The following SCML2 variants were observed in gnomAD, a reference collection of about 807,000 sequenced individuals.
The protein encoded by SCML2 is Scm polycomb group protein like 2, also known as sex comb on midleg-like protein 2.
A neutral mutation model predicts 48.4 loss-of-function variants in SCML2; 6 were observed. The ratio of observed to expected loss-of-function variants is 0.12; its 90% CI spans 0.07 to 0.24. SCML2 has a LOEUF of 0.24. Ranked by LOEUF, SCML2 falls within the 10% of genes least tolerant of loss-of-function variation. The pLI is 1.00. For missense variants in SCML2, 377 were observed against 528.2 expected (o/e 0.71, Z 2.81); for synonymous variants, 181 against 189.5 (o/e 0.95, Z 0.37).
rs1365950539 is a variant in SCML2 at position 18,239,671 on chromosome X, T to C, written c.*1580A>G. 8.9e-6 allele frequency: 1 copy of C among 112,687 alleles called. No homozygotes were observed. Among genetic ancestry groups the C allele is most frequent in the Non-Finnish European group, 1.9e-5 (1 of 53,322 alleles). 9.3% of individuals were successfully genotyped at this position (112,687 alleles called of 1,213,427 possible). On this transcript the variant is annotated 3_prime_UTR_variant, in exon 15 of 15. Coordinates refer to ENST00000251900, the MANE Select transcript of SCML2 (RefSeq NM_006089.3). Reference sequence around the variant, plus strand: ...TTACACAAAGTAATAACAATAAACATATAGCACCATTTCCTCTTCAAAGTT... The same window carrying C: ...TTACACAAAGTAATAACAATAAACACATAGCACCATTTCCTCTTCAAAGTT...
At chrX:18,339,262 CAAAG>C (rs1929937059) in intron 1 of SCML2, among the ~76,000 whole-genome samples, 2 of 112,029 alleles carry the variant, frequency 1.8e-5, no homozygotes, top group Non-Finnish European at 3.8e-5. Flanking sequence ...ATATCACTAT[CAAAG>C]AAAGCAGCTG....
intron 6 of SCML2, among the ~76,000 whole-genome samples, chrX:18,308,822 C>T (rs923862686): frequency 9.0e-6 from 1 of 111,542 alleles, no homozygotes; most frequent in African/African-American, 3.3e-5. Context: ...CATCCATGAA[C>T]AGATACTTCT....
intron 7 of SCML2, among the ~76,000 whole-genome samples, chrX:18,295,879 CA>C (rs1468233779): frequency 8.9e-6 from 1 of 112,068 alleles, no homozygotes; most frequent in African/African-American, 3.2e-5. Context: ...CCAAATAACT[CA>C]TAGAGAAACT....
chrX:18,297,478 G>A (rs989182772), intron 7 of SCML2, among the ~76,000 whole-genome samples: 2 of 111,657 alleles, frequency 1.8e-5, no homozygotes, highest in African/African-American at 6.5e-5. Flanking sequence ...TTCCTCACAC[G>A]ACTTTCTAAC....
At chrX:18,241,740 C>T (rs138092746) in intron 14 of SCML2, among the ~76,000 whole-genome samples, 144 of 111,406 alleles carry the variant, frequency 1.3e-3, no homozygotes, top group African/African-American at 4.6e-3. Context: ...TGAGAAGGGC[C>T]AGGAATATGT....
chrX:18,323,834 G>C, intron 5 of SCML2, 25 bp downstream of exon 5: 1 of 1,080,692 alleles, frequency 9.3e-7, no homozygotes, highest in Non-Finnish European at 1.3e-6. Context: ...GAAAGAATAC[G>C]CTATTTTTAA....
chrX:18,303,964 T>C (rs1010823632), intron 7 of SCML2, among the ~76,000 whole-genome samples: 2 of 112,821 alleles, frequency 1.8e-5, no homozygotes, highest in African/African-American at 6.4e-5. Context: ...TATCTTTTTT[T>C]CTCATAAAAA....
At chrX:18,292,016 C>T (rs926029502) in intron 7 of SCML2, among the ~76,000 whole-genome samples, 5 of 110,635 alleles carry the variant, frequency 4.5e-5, no homozygotes, top group African/African-American at 9.8e-5. Flanking sequence ...AGAAAAAACA[C>T]GCTAAGAGAA....
intron 1 of SCML2, among the ~76,000 whole-genome samples, chrX:18,342,758 T>C (rs1381230730): frequency 9.0e-6 from 1 of 111,128 alleles, no homozygotes; most frequent in Non-Finnish European, 1.9e-5. Context: ...AGCAGTTGCA[T>C]CTAGAAGCTC....
chrX:18,339,701 A>G (rs769927772), intron 1 of SCML2, among the ~76,000 whole-genome samples: 40 of 112,169 alleles, frequency 3.6e-4, no homozygotes, highest in Non-Finnish European at 6.9e-4. Context: ...TAGGCAACAG[A>G]GTGAGACCCC....
At chrX:18,289,394 T>C (rs1928159519) in intron 7 of SCML2, among the ~76,000 whole-genome samples, 1 of 112,597 alleles carries the variant, frequency 8.9e-6, no homozygotes, top group South Asian at 3.6e-4. Flanking sequence ...ATCAGCTGTA[T>C]TAAATTTCAT....
At chrX:18,263,197 A>G (rs770545366) in intron 8 of SCML2, among the ~76,000 whole-genome samples, 1 of 109,505 alleles carries the variant, frequency 9.1e-6, no homozygotes, top group Non-Finnish European at 1.9e-5. Context: ...TTAACTTTCT[A>G]CAAGCCACAT....
At chrX:18,288,582 T>A (rs974813864) in intron 7 of SCML2, among the ~76,000 whole-genome samples, 1 of 112,197 alleles carries the variant, frequency 8.9e-6, no homozygotes, top group Middle Eastern at 4.6e-3. Context: ...ACAGAGGACA[T>A]CTTTGAGATA....
intron 7 of SCML2, among the ~76,000 whole-genome samples, chrX:18,299,288 C>T (rs1013011268): frequency 8.2e-5 from 9 of 110,424 alleles, no homozygotes; most frequent in African/African-American, 2.3e-4. Context: ...CCAAGGTGGG[C>T]GGATCACGAG....
At position 18,275,099 on chromosome X, in the gene SCML2, T is replaced by C. The variant is rs1486553813; in HGVS notation, c.731-9297A>G. On this transcript the variant is annotated intron_variant, in intron 7 of 14. Coordinates refer to ENST00000251900, the MANE Select transcript of SCML2 (RefSeq NM_006089.3). Reference sequence around the variant, plus strand: ...TCTGGACCAAACCAATGTATTTTCTTAAATGTATTTGATTGCAGTCTCATG... The same window carrying C: ...TCTGGACCAAACCAATGTATTTTCTCAAATGTATTTGATTGCAGTCTCATG... Among the ~76,000 whole-genome samples, 3 of 112,216 alleles carry C rather than the reference T, an allele frequency of 2.7e-5. No individual in the cohort carries two copies. In the Admixed American group the frequency reaches 2.8e-4, roughly 11 times the overall value.
intron 6 of SCML2, among the ~76,000 whole-genome samples, chrX:18,309,476 C>T (rs948327332): frequency 2.7e-5 from 3 of 111,688 alleles, no homozygotes; most frequent in African/African-American, 9.7e-5. Context: ...GACACATGTT[C>T]GCGTATGTTC....
At chrX:18,287,194 T>C (rs1255709310) in intron 7 of SCML2, among the ~76,000 whole-genome samples, 1 of 111,935 alleles carries the variant, frequency 8.9e-6, no homozygotes, top group Admixed American at 9.5e-5. Context: ...AAGAAAGAAA[T>C]CACTCACTCA....
chrX:18,330,712 C>T, intron 2 of SCML2, 57 bp from the exon 3 acceptor site: 1 of 712,036 alleles, frequency 1.4e-6, no homozygotes, highest in East Asian at 3.3e-5. Context: ...TGAAAGAGCA[C>T]TCAGAAAAAT....
chrX:18,241,499 A>G (rs777033381), intron 14 of SCML2, 120 bp from the exon 15 acceptor site: 5 of 412,913 alleles, frequency 1.2e-5, no homozygotes, highest in Middle Eastern at 5.0e-4. Context: ...AATATGCTTT[A>G]TTTCCTGAAA....
Sources: gnomAD v4.1 joint callset for allele counts (sites outside exome capture counted in the v4.1 genomes callset) on GRCh38, gnomAD v4.1.1 for gene constraint, MANE v1.5 for transcripts, NCBI Gene and HGNC (gene_info 2026-07-23, HGNC 2026-07-21) for gene names.